The following RNF180 variants were observed in gnomAD, a reference collection of about 807,000 sequenced individuals.
The protein encoded by RNF180 is E3 ubiquitin-protein ligase RNF180.
A neutral mutation model predicts 59.2 loss-of-function variants in RNF180; 38 were observed. That is an observed-to-expected ratio of 0.64 (90% confidence interval 0.50 to 0.84). The LOEUF (loss-of-function observed/expected upper bound fraction) is 0.84. RNF180 is among the 40% of genes least tolerant of loss of function. The pLI, the probability that RNF180 is intolerant of heterozygous loss-of-function variation, is 0.00. For synonymous variants in RNF180, 262 were observed against 240.3 expected, an observed-to-expected ratio of 1.09 and a Z score of -0.84; for missense variants, 705 against 700.9, an observed-to-expected ratio of 1.01 and a Z score of -0.07.
intron 3 of RNF180, 90 bp downstream of exon 3, chr5:64,212,250 T>A: frequency 1.3e-6 from 1 of 750,742 alleles, no homozygotes; most frequent in Non-Finnish European, 2.4e-6. Flanking sequence ...TTAGATGCAT[T>A]CCTTGGCCAA....
chr5:64,289,704 GTTGT>G (rs1165225564), intron 5 of RNF180, among the ~76,000 whole-genome samples: 1 of 152,050 alleles, frequency 6.6e-6, no homozygotes, highest in Non-Finnish European at 1.5e-5. Context: ...TTCTCTGTTG[GTTGT>G]TTGTATTTCT....
intron 2 of RNF180, among the ~76,000 whole-genome samples, chr5:64,205,893 C>T (rs1306279665): frequency 6.6e-6 from 1 of 150,648 alleles, no homozygotes; most frequent in Admixed American, 6.6e-5. Context: ...AGAAGCTCCA[C>T]AAAGGAGAAG....
At chr5:64,316,887 C>T (rs1290729332) in intron 5 of RNF180, among the ~76,000 whole-genome samples, 2 of 152,130 alleles carry the variant, frequency 1.3e-5, no homozygotes, top group Middle Eastern at 3.2e-3. Flanking sequence ...ATGCGTCCAG[C>T]GACCCTTCAC....
intron 5 of RNF180, among the ~76,000 whole-genome samples, chr5:64,262,785 G>C (rs756432220): frequency 6.6e-6 from 1 of 152,038 alleles, no homozygotes; most frequent in Non-Finnish European, 1.5e-5. Flanking sequence ...GTCCTCAAAA[G>C]GGGCTCCCCA....
intron 5 of RNF180, among the ~76,000 whole-genome samples, chr5:64,232,932 T>C (rs1742186735): frequency 6.6e-6 from 1 of 152,204 alleles, no homozygotes; most frequent in Non-Finnish European, 1.5e-5. Flanking sequence ...AAATCAAACC[T>C]TGGCCATGAG....
chr5:64,218,827 T>G (rs2112142540), intron 5 of RNF180, among the ~76,000 whole-genome samples: 1 of 152,346 alleles, frequency 6.6e-6, no homozygotes, highest in Admixed American at 6.5e-5. Flanking sequence ...GAGGAGTTAT[T>G]GTTATTTAAA....
chr5:64,191,776 T>C (rs957500157), intron 1 of RNF180, among the ~76,000 whole-genome samples: 6 of 152,240 alleles, frequency 3.9e-5, no homozygotes, highest in African/African-American at 1.4e-4. Flanking sequence ...TTTCCTTTGC[T>C]GTGCAGAACT....
chr5:64,277,552 G>A (rs1053743178), intron 5 of RNF180, among the ~76,000 whole-genome samples: 1 of 152,078 alleles, frequency 6.6e-6, no homozygotes, highest in Non-Finnish European at 1.5e-5. Context: ...GGATGGAGGT[G>A]GTTATAGTGA....
intron 5 of RNF180, among the ~76,000 whole-genome samples, chr5:64,228,243 G>A (rs1008827753): frequency 2.6e-4 from 40 of 152,242 alleles, no homozygotes; most frequent in East Asian, 1.9e-4. Context: ...GGTCAGGCAC[G>A]GTGGCTCTTG....
At chr5:64,360,831 A>C (rs1746225786) in intron 7 of RNF180, among the ~76,000 whole-genome samples, 1 of 151,618 alleles carries the variant, frequency 6.6e-6, no homozygotes, top group Non-Finnish European at 1.5e-5. Flanking sequence ...TGTGATGGAT[A>C]CCTGAGCCTC....
intron 5 of RNF180, among the ~76,000 whole-genome samples, chr5:64,282,285 A>G (rs1240521681): frequency 6.6e-6 from 1 of 152,066 alleles, no homozygotes; most frequent in Non-Finnish European, 1.5e-5. Context: ...GGGAGGTTGT[A>G]TGTTTCCAGC....
intron 1 of RNF180, among the ~76,000 whole-genome samples, chr5:64,189,779 A>G (rs1350290085): frequency 6.6e-6 from 1 of 152,212 alleles, no homozygotes; most frequent in African/African-American, 2.4e-5. Context: ...TCGTTGGACA[A>G]TCTTTCCATC....
chr5:64,359,572 C>T (rs1746164487), intron 7 of RNF180, among the ~76,000 whole-genome samples: 1 of 151,784 alleles, frequency 6.6e-6, no homozygotes, highest in Admixed American at 6.6e-5. Context: ...AAATGTTCTC[C>T]CATTCTGTAG....
At position 64,214,350 on chromosome 5, in the gene RNF180, A is replaced by G. The variant is rs762640469; in HGVS notation, c.1024A>G (p.Met342Val). The change falls in exon 4 of 8, where the codon ATG becomes GTG. Residue 342 changes from methionine (M) to valine (V), a missense_variant. By Grantham distance (21) the Met-to-Val change is conservative. Coordinates refer to ENST00000389100, the MANE Select transcript of RNF180 (RefSeq NM_001113561.2). ...GGACCTGCCCTCAGCTGGCAGGAGC[A>G]TGCCGGAGGCCTCAGACCAGGAAGA... is the stretch of plus-strand genomic sequence containing the variant. Reference protein sequence around the residue: ...LMDLPSAGRSMPEASDQEEHL... With the variant: ...LMDLPSAGRSVPEASDQEEHL... 8 of 1,614,082 alleles carry G rather than the reference A, an allele frequency of 5.0e-6. No homozygotes were observed. The East Asian group carries it at 6.7e-5, about 13-fold the overall frequency.
chr5:64,361,926 A>C (rs1447599237), intron 7 of RNF180, among the ~76,000 whole-genome samples: 1 of 151,238 alleles, frequency 6.6e-6, no homozygotes, highest in Non-Finnish European at 1.5e-5. Context: ...TTTGGTGGAC[A>C]AAAAAAATCT....
intron 7 of RNF180, among the ~76,000 whole-genome samples, chr5:64,345,512 T>A (rs1745518819): frequency 6.6e-6 from 1 of 152,132 alleles, no homozygotes; most frequent in Admixed American, 6.6e-5. Context: ...ACCCAGTAAA[T>A]AAAATATGTT....
chr5:64,200,864 T>C lies in RNF180; in HGVS notation c.57T>C (p.Ile19=). Residue 19 remains isoleucine (I), a synonymous_variant, in exon 2 of 8, where the codon ATT becomes ATC. Transcript: ENST00000389100. ...TKNHSQEETS[I]LRCWKCRKCI... The stretch of plus-strand genomic sequence containing the variant: ...ATCATAGTCAAGAGGAAACAAGTAT[T>C]CTTCGTTGTTGGAAATGTAGAAAAT... The C allele has an allele frequency of 6.2e-7, 1 of 1,611,898 alleles. No individual in the cohort carries two copies. Among genetic ancestry groups the C allele is most frequent in the Non-Finnish European group, 8.5e-7 (1 of 1,178,008 alleles).
At chr5:64,359,060 G>C (rs1202365652) in intron 7 of RNF180, among the ~76,000 whole-genome samples, 2 of 151,072 alleles carry the variant, frequency 1.3e-5, no homozygotes, top group Non-Finnish European at 3.0e-5. Flanking sequence ...TTGGTTCCAA[G>C]TCTTTGCTAT....
intron 6 of RNF180, 99 bp from the exon 7 acceptor site, chr5:64,330,182 T>G: frequency 1.2e-6 from 1 of 802,970 alleles, no homozygotes; most frequent in Non-Finnish European, 2.0e-6. Context: ...GTGTGAATTG[T>G]ATCAAATAGT....
Sources: allele counts gnomAD v4.1 joint callset (sites outside exome capture counted in the v4.1 genomes callset), GRCh38; gene constraint gnomAD v4.1.1; transcripts MANE v1.5; gene names NCBI Gene and HGNC (gene_info 2026-07-23, HGNC 2026-07-21).